Variants in IQSEC1 observed in about 807,000 individuals in gnomAD.
IQSEC1 encodes the protein IQ motif and Sec7 domain ArfGEF 1.
IQSEC1 carries 31 observed loss-of-function variants against 91.0 expected under a neutral mutation model. The observed-to-expected ratio is 0.34, with a 90% CI of 0.26 to 0.46. The LOEUF (loss-of-function observed/expected upper bound fraction) is 0.46. IQSEC1 is among the 20% of genes least tolerant of loss of function. IQSEC1 has a pLI of 1.00. For missense variants in IQSEC1, 1,388 were observed against 1,575.6 expected (o/e 0.88, Z 2.02); for synonymous variants, 699 against 662.6 (o/e 1.05, Z -0.84).
At chr3:12,978,293 T>C (rs993241687) in intron 1 of IQSEC1, among the ~76,000 whole-genome samples, 2 of 152,212 alleles carry the variant, frequency 1.3e-5, no homozygotes, top group Admixed American at 6.5e-5. Flanking sequence ...CTCCAACAGT[T>C]GTCCTCAAAG....
chr3:13,234,357 G>A (rs1467744934), intron 1 of IQSEC1, among the ~76,000 whole-genome samples: 3 of 148,124 alleles, frequency 2.0e-5, no homozygotes, highest in Non-Finnish European at 4.4e-5. Context: ...TGTGCCTATG[G>A]GTGTGAGCAC....
Position 12,924,826 on chromosome 3 carries a change from G to A in IQSEC1, c.1569-84C>T. On this transcript the variant is annotated intron_variant, in intron 3 of 13. Coordinates refer to ENST00000613206, the MANE Select transcript of IQSEC1 (RefSeq NM_001134382.3). The surrounding 1 kb of genome is among the most constrained non-coding windows in gnomAD (Gnocchi z 6.3). ...GGAGGGGATCTCCGCTCAGTGGACG[G>A]TCGACATTCTCCCTCCCTGCCCACC... 7.6e-7 allele frequency: 1 copy of A among 1,319,956 alleles called. No individual in the cohort carries two copies. The allele number at this position is 1,319,956 out of a possible 1,614,324, so 81.8% of individuals were successfully genotyped here.
chr3:13,061,106 C>G (rs1705052519), intron 1 of IQSEC1, among the ~76,000 whole-genome samples: 1 of 152,166 alleles, frequency 6.6e-6, no homozygotes, highest in Non-Finnish European at 1.5e-5. Context: ...GCCTGGCCCT[C>G]CCTGAGAAGT....
At chr3:13,081,950 C>T (rs1250662626) in intron 2 of IQSEC1, among the ~76,000 whole-genome samples, 1 of 152,204 alleles carries the variant, frequency 6.6e-6, no homozygotes, top group African/African-American at 2.4e-5. Flanking sequence ...CAAAGGCGAC[C>T]AAAGACTGCA....
intron 1 of IQSEC1, among the ~76,000 whole-genome samples, chr3:13,172,899 C>T (rs1429935643): frequency 6.6e-6 from 1 of 152,170 alleles, no homozygotes; most frequent in African/African-American, 2.4e-5. Flanking sequence ...GTGGTAACTG[C>T]CCATCTCGCA....
intron 1 of IQSEC1, among the ~76,000 whole-genome samples, chr3:13,237,497 G>A (rs1372851837): frequency 2.0e-5 from 3 of 152,202 alleles, no homozygotes; most frequent in Non-Finnish European, 2.9e-5. Flanking sequence ...GCTATCGCAC[G>A]AGGGAAGTGA....
At chr3:12,954,690 C>T (rs1699786932) in intron 1 of IQSEC1, among the ~76,000 whole-genome samples, 2 of 152,240 alleles carry the variant, frequency 1.3e-5, no homozygotes, top group South Asian at 4.1e-4. Context: ...CAGTGTCTGT[C>T]TGTTTTCCTC....
chr3:13,088,248 TG>T (rs1705770067), intron 2 of IQSEC1, among the ~76,000 whole-genome samples: 1 of 152,176 alleles, frequency 6.6e-6, no homozygotes, highest in African/African-American at 2.4e-5. Context: ...AAGGAACAGA[TG>T]AAAGTGGAGG....
chr3:13,197,974 C>T (rs554122301), intron 1 of IQSEC1, among the ~76,000 whole-genome samples: 1 of 152,310 alleles, frequency 6.6e-6, no homozygotes, highest in Admixed American at 6.5e-5. Context: ...AGCGTGCACC[C>T]GGCCTCCCGA....
At chr3:13,118,491 A>G (rs188505790) in intron 2 of IQSEC1, among the ~76,000 whole-genome samples, 4 of 152,304 alleles carry the variant, frequency 2.6e-5, no homozygotes, top group Admixed American at 2.6e-4. Flanking sequence ...AAAGGAAGGG[A>G]TTTCTGACCC....
intron 1 of IQSEC1, among the ~76,000 whole-genome samples, chr3:13,203,462 T>C (rs1040628278): frequency 9.2e-5 from 14 of 152,182 alleles, no homozygotes; most frequent in African/African-American, 3.1e-4. Context: ...ATTCCTGTAG[T>C]GGGCACCCCC....
At chr3:12,950,721 C>T (rs577113017) in intron 1 of IQSEC1, among the ~76,000 whole-genome samples, 3 of 152,012 alleles carry the variant, frequency 2.0e-5, no homozygotes, top group South Asian at 4.2e-4. Flanking sequence ...CGGCTCACCG[C>T]AAGCTTCACC....
At chr3:12,987,945 G>A (rs961253467) in intron 1 of IQSEC1, among the ~76,000 whole-genome samples, 2 of 152,176 alleles carry the variant, frequency 1.3e-5, no homozygotes, top group Non-Finnish European at 2.9e-5. Context: ...TGTGGGGTTG[G>A]GGCAAGGCTG....
At chr3:13,273,346 G>C (rs1695619799) in intron 1 of IQSEC1, among the ~76,000 whole-genome samples, 4 of 152,330 alleles carry the variant, frequency 2.6e-5, no homozygotes, top group East Asian at 3.9e-4. Context: ...AGGTGAAAGA[G>C]GGGAGTGGCC....
At chr3:12,997,399 G>T (rs1243747029) in intron 1 of IQSEC1, among the ~76,000 whole-genome samples, 1 of 152,148 alleles carries the variant, frequency 6.6e-6, no homozygotes, top group Non-Finnish European at 1.5e-5. Context: ...TGTAATAATT[G>T]ATTTTTAAAA....
At chr3:13,082,401 G>A (rs1296153636) in intron 2 of IQSEC1, among the ~76,000 whole-genome samples, 2 of 152,252 alleles carry the variant, frequency 1.3e-5, no homozygotes. Context: ...GGGGAGGAAG[G>A]CGCAGGCCTG....
chr3:13,204,070 G>A (rs985863531), intron 1 of IQSEC1, among the ~76,000 whole-genome samples: 2 of 152,186 alleles, frequency 1.3e-5, no homozygotes, highest in Non-Finnish European at 2.9e-5. Context: ...GGGGCTGTCC[G>A]GCCTTCAGAA....
chr3:13,242,007 CA>C (rs1695028401), intron 1 of IQSEC1, among the ~76,000 whole-genome samples: 1 of 152,192 alleles, frequency 6.6e-6, no homozygotes, highest in Admixed American at 6.5e-5. Flanking sequence ...TGCTTTACCA[CA>C]ACGTATATAC....
rs1553563495 is a variant in IQSEC1, at chr3:13,071,143, GT to G, written c.23+1848del. Among the ~76,000 whole-genome samples the G allele has an allele frequency of 2.7e-4, 31 of 112,740 alleles. 1 individual carries two copies. Among genetic ancestry groups the G allele is most frequent in the African/African-American group, 8.0e-4 (25 of 31,326 alleles). The allele number at this position is 112,740 out of a possible 152,430, so 74.0% of individuals were successfully genotyped here. A position where few individuals can be genotyped will look rare whatever the true frequency, so the allele number is the denominator to read the frequency against. On this transcript the variant is annotated intron_variant, in intron 1 of 13. Coordinates refer to ENST00000613206, the MANE Select transcript of IQSEC1 (RefSeq NM_001134382.3). ...AATGTCTGGGGGTGGGACCCACACA[GT>G]TTTTTTTTGTTTTTTTTTTTTTGTT...
Sources: allele counts gnomAD v4.1 joint callset (sites outside exome capture counted in the v4.1 genomes callset), GRCh38; gene constraint gnomAD v4.1.1; non-coding constraint Gnocchi (gnomAD v3.1); transcripts MANE v1.5; gene names NCBI Gene and HGNC (gene_info 2026-07-23, HGNC 2026-07-21).